BMP7: variants seen among roughly 807,000 people sequenced by gnomAD.
BMP7 encodes the protein bone morphogenetic protein 7, also known as osteogenic protein 1.
A neutral mutation model predicts 41.2 loss-of-function variants in BMP7; 12 were observed. The ratio of observed to expected loss-of-function variants is 0.29; its 90% CI spans 0.19 to 0.47. The LOEUF is 0.47. BMP7 is among the 20% of genes least tolerant of loss of function. The probability of loss-of-function intolerance (pLI) is 0.99; values close to 1 mark genes in which losing one functional copy is unlikely to be tolerated. For synonymous variants in BMP7, 248 were observed against 250.0 expected (o/e 0.99, Z 0.07); for missense variants, 467 against 606.0 (o/e 0.77, Z 2.41).
intron 3 of BMP7, among the ~76,000 whole-genome samples, chr20:57,199,831 C>T (rs1012065580): frequency 1.3e-5 from 2 of 152,204 alleles, no homozygotes; most frequent in African/African-American, 2.4e-5. Context: ...ACTGCCTGGG[C>T]GCGCACAGCA....
chr20:57,212,958 G>A (rs534136690), intron 2 of BMP7, among the ~76,000 whole-genome samples: 37 of 152,376 alleles, frequency 2.4e-4, no homozygotes, highest in Middle Eastern at 3.4e-3. Context: ...TCCCCCAGAC[G>A]GGAAGAGGAA....
chr20:57,261,870 G>A lies in BMP7; in HGVS notation c.418+3835C>T, dbSNP rs2066155589. ...TACAGTGGTAGGGCCTGCTCTTGACGGGCAGTGGGAGAGGTCTTAATGCCA... is the reference window on the plus strand; with the variant it reads ...TACAGTGGTAGGGCCTGCTCTTGACAGGCAGTGGGAGAGGTCTTAATGCCA... On this transcript the variant is annotated intron_variant, in intron 1 of 6. Coordinates refer to ENST00000395863, the MANE Select transcript of BMP7 (RefSeq NM_001719.3). The surrounding 1 kb of genome is among the most constrained non-coding windows in gnomAD (Gnocchi z 4.1). 6.6e-6 allele frequency among the ~76,000 whole-genome samples: 1 copy of A among 152,198 alleles called. No individual in the cohort carries two copies. Among genetic ancestry groups the A allele is most frequent in the South Asian group, 2.1e-4 (1 of 4,834 alleles).
At chr20:57,262,346 G>C (rs2066157528) in intron 1 of BMP7, among the ~76,000 whole-genome samples, 1 of 152,214 alleles carries the variant, frequency 6.6e-6, no homozygotes, top group Non-Finnish European at 1.5e-5. Context: ...GCCCAGGCTG[G>C]GAAGATGGGA....
intron 1 of BMP7, among the ~76,000 whole-genome samples, chr20:57,260,948 G>A (rs1299416090): frequency 2.6e-5 from 4 of 152,232 alleles, no homozygotes; most frequent in Non-Finnish European, 4.4e-5. Context: ...ACACGGATGG[G>A]CAGATGGGGA....
At chr20:57,202,996 G>A (rs1387005041) in intron 2 of BMP7, among the ~76,000 whole-genome samples, 1 of 152,164 alleles carries the variant, frequency 6.6e-6, no homozygotes, top group Non-Finnish European at 1.5e-5. Context: ...TATTCACCAT[G>A]TGCCAGATAC....
intron 2 of BMP7, among the ~76,000 whole-genome samples, chr20:57,220,318 G>A (rs541583657): frequency 6.6e-6 from 1 of 152,302 alleles, no homozygotes; most frequent in Non-Finnish European, 1.5e-5. Context: ...TGGTAAGCCT[G>A]TATTCCCCAC....
intron 1 of BMP7, among the ~76,000 whole-genome samples, chr20:57,243,270 A>G (rs1456934709): frequency 6.6e-6 from 1 of 151,988 alleles, no homozygotes; most frequent in Non-Finnish European, 1.5e-5. Context: ...GTATCACTTG[A>G]GTCCGGGAGA....
intron 2 of BMP7, among the ~76,000 whole-genome samples, chr20:57,210,233 G>A (rs1984846206): frequency 6.6e-6 from 1 of 152,214 alleles, no homozygotes; most frequent in Non-Finnish European, 1.5e-5. Context: ...ACCAGCCTGG[G>A]GACAGCGTGC....
At chr20:57,199,633 C>T (rs1984577060) in intron 3 of BMP7, among the ~76,000 whole-genome samples, 2 of 152,298 alleles carry the variant, frequency 1.3e-5, no homozygotes, top group South Asian at 4.1e-4. Flanking sequence ...GCTTGAGATC[C>T]TCCACGGTAG....
At chr20:57,253,333 T>C (rs115377955) in intron 1 of BMP7, among the ~76,000 whole-genome samples, 2,509 of 152,220 alleles carry the variant, frequency 0.016, 65 homozygotes, top group African/African-American at 0.057. Flanking sequence ...AGTGGGAAGA[T>C]TGGGGAATGG....
Position 57,226,607 on chromosome 20 carries a change from G to T in BMP7, c.611+1622C>A, listed in dbSNP as rs142727955. Among the ~76,000 whole-genome samples, 541 of 152,308 alleles carry T rather than the reference G, an allele frequency of 3.6e-3. 2 individuals carry two copies. Among genetic ancestry groups the T allele is most frequent in the Non-Finnish European group, 5.9e-3 (400 of 68,038 alleles). ...TGAACCCCTGGAAAGGGCTGCCAAG[G>T]TTCATCATCCAACGATGAAAGCCAG... On this transcript the variant is annotated intron_variant, in intron 2 of 6. Coordinates refer to ENST00000395863, the MANE Select transcript of BMP7 (RefSeq NM_001719.3).
At position 57,228,522 on chromosome 20, in the gene BMP7, G is replaced by A; in HGVS notation, c.419-101C>T. On this transcript the variant is annotated intron_variant, in intron 1 of 6. Transcript: ENST00000395863. The surrounding 1 kb of genome is among the most constrained non-coding windows in gnomAD (Gnocchi z 4.5). ...AAGCATCTTGCCTAAGCTAGATGGA[G>A]GCATGCCCATTGCCAGTGACCCCAG... is the stretch of plus-strand genomic sequence containing the variant. 7.1e-7 allele frequency: 1 copy of A among 1,403,562 alleles called. No homozygotes were observed. The highest frequency in any genetic ancestry group is 1.4e-5 in the African/African-American group (1 of 70,836). 86.9% of individuals were successfully genotyped at this position (1,403,562 alleles called of 1,614,324 possible).
chr20:57,217,941 G>A (rs1475000), intron 2 of BMP7, among the ~76,000 whole-genome samples: 100,200 of 152,108 alleles, frequency 0.66, 34,073 homozygotes, highest in African/African-American at 0.83. Context: ...GTGTTTCCAC[G>A]TGTTTACGTG....
intron 1 of BMP7, among the ~76,000 whole-genome samples, chr20:57,235,361 A>C (rs1020526268): frequency 3.3e-5 from 5 of 152,206 alleles, no homozygotes; most frequent in African/African-American, 1.2e-4. Context: ...ACACGTGTCC[A>C]CTGGGTAAAT....
At chr20:57,216,481 G>A (rs1356852518) in intron 2 of BMP7, among the ~76,000 whole-genome samples, 2 of 152,000 alleles carry the variant, frequency 1.3e-5, no homozygotes, top group East Asian at 3.9e-4. Context: ...TGCACCTGAG[G>A]ACGAGGGCGC....
intron 3 of BMP7, among the ~76,000 whole-genome samples, chr20:57,188,134 T>C (rs949152947): frequency 6.6e-6 from 1 of 152,220 alleles, no homozygotes; most frequent in South Asian, 2.1e-4. Flanking sequence ...CGGGTTCACA[T>C]GAAAAACTTG....
At chr20:57,184,129 T>C (rs1984156654) in intron 3 of BMP7, among the ~76,000 whole-genome samples, 1 of 152,172 alleles carries the variant, frequency 6.6e-6, no homozygotes, top group Non-Finnish European at 1.5e-5. Flanking sequence ...CATCCTGTTC[T>C]CTGGGTTTCC....
At chr20:57,181,664 A>G (rs983146758) in intron 4 of BMP7, among the ~76,000 whole-genome samples, 9 of 152,196 alleles carry the variant, frequency 5.9e-5, no homozygotes, top group African/African-American at 1.9e-4. Context: ...TAGCAGGTAA[A>G]TGCAACTGGG....
At chr20:57,216,551 A>AG (rs200926960) in intron 2 of BMP7, among the ~76,000 whole-genome samples, 3,311 of 114,514 alleles carry the variant, frequency 0.029, 41 homozygotes, top group African/African-American at 0.08. Context: ...CCTGAGGGCG[A>AG]GGGGCTGTCT....
Sources: gnomAD v4.1 joint callset for allele counts (sites outside exome capture counted in the v4.1 genomes callset) on GRCh38, gnomAD v4.1.1 for gene constraint, Gnocchi (gnomAD v3.1) non-coding constraint, MANE v1.5 for transcripts, NCBI Gene and HGNC (gene_info 2026-07-23, HGNC 2026-07-21) for gene names.